ERFE: variants seen among roughly 807,000 people sequenced by gnomAD.
ERFE encodes erythroferrone, also known as complement C1q tumor necrosis factor-related protein 15.
A neutral mutation model predicts 26.6 loss-of-function variants in ERFE; 25 were observed. That is an observed-to-expected ratio of 0.94 (90% CI 0.69 to 1.31). The LOEUF (loss-of-function observed/expected upper bound fraction) is 1.31. Ranked by LOEUF, ERFE falls within the 40% of genes most tolerant of loss-of-function variation. The probability of loss-of-function intolerance (pLI) is 0.00; values close to 1 mark genes in which losing one functional copy is unlikely to be tolerated. For missense variants in ERFE, 447 were observed against 440.2 expected, an observed-to-expected ratio of 1.02 and a Z score of -0.14; for synonymous variants, 206 against 204.5, an observed-to-expected ratio of 1.01 and a Z score of -0.06.
intron 6 of ERFE, 85 bp from the exon 7 acceptor site, chr2:238,165,521 T>A: frequency 8.4e-7 from 1 of 1,188,424 alleles, no homozygotes; most frequent in Non-Finnish European, 1.2e-6. Flanking sequence ...TGGGCATGTG[T>A]TGGCTGCTGG....
In ERFE at chr2:238,164,285, C is replaced by G. The variant is rs920635226; in HGVS notation, c.812C>G (p.Pro271Arg). Residue 271 changes from proline (P) to arginine (R), a missense_variant, in exon 6 of 8, where the codon CCG becomes CGG. Physicochemically the swap from Pro to Arg is moderately radical, Grantham distance 103 (BLOSUM62 -2). Transcript: ENST00000546354. ...ATLHVALGEP[P>R]RRGPPRPRDH... ...TCCCCCGCAGCGCTCGGGGAGCCGC[C>G]GAGGAGGGGGCCGCCGCGCCCCCGG... The G allele has an allele frequency of 5.9e-6, 9 of 1,513,356 alleles. No homozygotes were observed. Among genetic ancestry groups the G allele is most frequent in the Non-Finnish European group, 7.9e-6 (9 of 1,136,692 alleles). 93.7% of individuals were successfully genotyped at this position (1,513,356 alleles called of 1,614,324 possible).
rs7595215 is a variant in ERFE, at chr2:238,167,943, G to C, written c.*889G>C. On this transcript the variant is annotated 3_prime_UTR_variant, in exon 8 of 8. Coordinates refer to ENST00000546354, the MANE Select transcript of ERFE (RefSeq NM_001291832.2). ...ACGTCTTTACAGATTGGAGACAGCC[G>C]GGCCTGCTGACCCATCATCCGAATA... The C allele has an allele frequency of 0.094, 17,909 of 189,812 alleles. 1,866 individuals are homozygous for C. Among genetic ancestry groups the C allele is most frequent in the African/African-American group, 0.28 (12,023 of 42,352 alleles). The allele number at this position is 189,812 out of a possible 1,614,324, so 11.8% of individuals were successfully genotyped here.
chr2:238,168,261 T>A lies in ERFE; in HGVS notation c.*1207T>A, dbSNP rs1445051841. 5.2e-6 allele frequency: 2 copies of A among 388,008 alleles called. No homozygotes were observed. The highest frequency in any genetic ancestry group is 1.5e-4 in the East Asian group (2 of 13,680). 24.0% of individuals were successfully genotyped at this position (388,008 alleles called of 1,614,324 possible). ...GTAGCCTCCCACATTTTCCCCAAAG[T>A]ACAGGACTGTCCCAGAGTAGGTAGT... On this transcript the variant is annotated 3_prime_UTR_variant, in exon 8 of 8. Transcript: ENST00000546354.
chr2:238,164,640 G>T (rs1693003413), intron 6 of ERFE: 1 of 441,198 alleles, frequency 2.3e-6, no homozygotes, highest in Non-Finnish European at 4.1e-6. Flanking sequence ...GGATCACGAG[G>T]TCAGGAGATC....
intron 3 of ERFE, 186 bp from the exon 4 acceptor site, chr2:238,163,551 C>T (rs1410299844): frequency 4.3e-6 from 3 of 701,586 alleles, no homozygotes; most frequent in South Asian, 7.5e-5. Context: ...TTGAGGGAAA[C>T]GGGAGCCGCT....
chr2:238,166,718 G>A (rs1693041245), intron 7 of ERFE, among the ~76,000 whole-genome samples: 1 of 152,234 alleles, frequency 6.6e-6, no homozygotes, highest in African/African-American at 2.4e-5. Context: ...TTGAGCAGGG[G>A]CCCACTCCCA....
At chr2:238,160,761 T>G (rs916608808) in intron 1 of ERFE, among the ~76,000 whole-genome samples, 6 of 152,114 alleles carry the variant, frequency 3.9e-5, no homozygotes, top group Non-Finnish European at 7.4e-5. Context: ...AGCTCTAAAA[T>G]CCCAGGGTCC....
intron 1 of ERFE, among the ~76,000 whole-genome samples, chr2:238,159,970 G>T (rs1458762526): frequency 6.6e-6 from 1 of 152,184 alleles, no homozygotes; most frequent in African/African-American, 2.4e-5. Context: ...GAGGACAGGG[G>T]TGCAGCCAGG....
Position 238,164,141 on chromosome 2 carries a change from C to G in ERFE, c.754C>G (p.Pro252Ala), listed in dbSNP as rs566703949. 7 of 1,462,154 alleles carry G rather than the reference C, an allele frequency of 4.8e-6. No homozygotes were observed. In the East Asian group the frequency reaches 2.0e-4, roughly 42 times the overall value. 90.6% of individuals were successfully genotyped at this position (1,462,154 alleles called of 1,614,324 possible). Residue 252 changes from proline (P) to alanine (A), a missense_variant, in exon 5 of 8, where the codon CCC becomes GCC. Coordinates refer to ENST00000546354, the MANE Select transcript of ERFE (RefSeq NM_001291832.2). Reference sequence around the variant, plus strand: ...CTTGACCAGCGGCCAGTACAGGGCGCCCGTGGCTGGCTTCTACGCTCTCGC... The same window carrying G: ...CTTGACCAGCGGCCAGTACAGGGCGGCCGTGGCTGGCTTCTACGCTCTCGC... ...LNLTSGQYRA[P>A]VAGFYALAAT... is the part of the protein sequence containing the mutation.
At chr2:238,161,542 T>C in intron 1 of ERFE, 52 bp from the exon 2 acceptor site, 1 of 1,481,124 alleles carries the variant, frequency 6.8e-7, no homozygotes, top group South Asian at 1.3e-5. Context: ...TCCCACCTGC[T>C]TGGTAGGAGC....
In ERFE at chr2:238,167,079, CAG is replaced by C. The variant is rs776115987; in HGVS notation, c.*26_*27del. 5 of 1,543,938 alleles carry C rather than the reference CAG, an allele frequency of 3.2e-6. No individual in the cohort carries two copies. The highest frequency in any genetic ancestry group is 2.4e-5 in the East Asian group (1 of 40,878). On this transcript the variant is annotated 3_prime_UTR_variant, in exon 8 of 8. Coordinates refer to ENST00000546354, the MANE Select transcript of ERFE (RefSeq NM_001291832.2). ...AGCGGCCACCACAGGCCCTTCCTCT[CAG>C]GGGCAAATGGAGCACAGATCTAGAC...
rs531679874 is a variant in ERFE at position 238,165,671 on chromosome 2, T to C, written c.953T>C (p.Val318Ala). 2 of 1,549,378 alleles carry C rather than the reference T, an allele frequency of 1.3e-6. No individual in the cohort carries two copies. The highest frequency in any genetic ancestry group is 2.7e-5 in the African/African-American group (2 of 73,158). ...CTCTTCACCATCTCTGTGAATGGCG[T>C]CCTGTACCTGCAGGTGAGTGCGGCA... ...SELFTISVNG[V>A]LYLQMGQWTS... The change falls in exon 7 of 8, where the codon GTC becomes GCC. Residue 318 changes from valine to alanine, a missense_variant. Coordinates refer to ENST00000546354, the MANE Select transcript of ERFE (RefSeq NM_001291832.2).
In ERFE at chr2:238,163,868, C is replaced by T. The variant is rs950883492; in HGVS notation, c.556C>T (p.Leu186=). 2 of 1,317,170 alleles carry T rather than the reference C, an allele frequency of 1.5e-6. No homozygotes were observed. Among genetic ancestry groups the T allele is most frequent in the Non-Finnish European group, 1.9e-6 (2 of 1,041,350 alleles). The allele number at this position is 1,317,170 out of a possible 1,614,324, so 81.6% of individuals were successfully genotyped here. Residue 186 remains leucine, a synonymous_variant, in exon 4 of 8, where the codon CTG becomes TTG. Coordinates refer to ENST00000546354, the MANE Select transcript of ERFE (RefSeq NM_001291832.2). Reference sequence around the variant, plus strand: ...CGACGACGACGTGGTGGGGGACGTGCTGGCACTGCTGGCCGCGCCCCTGGC... The same window carrying T: ...CGACGACGACGTGGTGGGGGACGTGTTGGCACTGCTGGCCGCGCCCCTGGC... The part of the protein sequence containing the change: ...EDDDDVVGDV[L]ALLAAPLAPG...
chr2:238,160,916 A>ATGG (rs1692928611), intron 1 of ERFE, among the ~76,000 whole-genome samples: 1 of 152,214 alleles, frequency 6.6e-6, no homozygotes, highest in Admixed American at 6.5e-5. Flanking sequence ...GCTCAGTGTC[A>ATGG]GCATCAGTCA....
In ERFE at chr2:238,162,757, GGGCCTCCCGGTCCCCAGGGCCCCCCA is replaced by G; in HGVS notation, c.348_373del (p.Pro117HisfsTer184). On this transcript the variant is annotated frameshift_variant, in exon 3 of 8. Coordinates refer to ENST00000546354, the MANE Select transcript of ERFE (RefSeq NM_001291832.2). LOFTEE classifies it high-confidence loss of function. ...TCAGTTCGGCTTGCCAGGGCCCCCT[GGGCCTCCCGGTCCCCAGGGCCCCCCA>G]GGCCCCATCATCCCACCCGAGGCGC... 11 of 1,549,518 alleles carry G rather than the reference GGGCCTCCCGGTCCCCAGGGCCCCCCA, an allele frequency of 7.1e-6. No individual in the cohort carries two copies. The highest frequency in any genetic ancestry group is 9.6e-6 in the Non-Finnish European group (11 of 1,146,066).
intron 7 of ERFE, 28 bp from the exon 8 acceptor site, chr2:238,166,928 C>T: frequency 6.5e-7 from 1 of 1,539,154 alleles, no homozygotes; most frequent in Non-Finnish European, 8.8e-7. Context: ...TGGGGTGGCC[C>T]AGTGCCTCAA....
At chr2:238,162,702 C>T in intron 2 of ERFE, 34 bp from the exon 3 acceptor site, 2 of 1,379,822 alleles carry the variant, frequency 1.4e-6, no homozygotes, top group East Asian at 2.5e-5. Flanking sequence ...CAGCCTGCTC[C>T]TCACATGTCC....
chr2:238,164,303 G>T lies in ERFE; in HGVS notation c.830G>T (p.Arg277Leu). ...GAGCCGCCGAGGAGGGGGCCGCCGC[G>T]CCCCCGGGACCACCTGCGCCTGCTC... ...LGEPPRRGPP[R>L]PRDHLRLLIC... The change falls in exon 6 of 8, where the codon CGC (arginine) becomes CTC (leucine). Residue 277 changes from arginine (R) to leucine (L), a missense_variant. Arg to Leu is a moderately radical substitution (Grantham distance 102, BLOSUM62 -2). Transcript: ENST00000546354. 2.0e-6 allele frequency: 3 copies of T among 1,517,642 alleles called. No homozygotes were observed. 94.0% of individuals were successfully genotyped at this position (1,517,642 alleles called of 1,614,324 possible).
intron 6 of ERFE, chr2:238,164,617 G>A: frequency 2.1e-6 from 1 of 480,256 alleles, no homozygotes; most frequent in Non-Finnish European, 3.7e-6. Flanking sequence ...CACTTTGGGA[G>A]GCCGAGGCGG....
Sources: allele counts gnomAD v4.1 joint callset (sites outside exome capture counted in the v4.1 genomes callset), GRCh38; gene constraint gnomAD v4.1.1; transcripts MANE v1.5; gene names NCBI Gene and HGNC (gene_info 2026-07-23, HGNC 2026-07-21).